PFDN1: variants seen among roughly 807,000 people sequenced by gnomAD.
PFDN1 encodes the protein prefoldin 1.
PFDN1 carries 6 observed loss-of-function variants against 17.3 expected under a neutral mutation model. The observed-to-expected ratio is 0.35, with a 90% CI of 0.19 to 0.69. The LOEUF is 0.69. PFDN1 is among the 30% of genes least tolerant of loss of function. The pLI, the probability that PFDN1 is intolerant of heterozygous loss-of-function variation, is 0.65. For synonymous variants in PFDN1, 58 were observed against 50.1 expected (o/e 1.16, Z -0.67); for missense variants, 113 against 146.2 (o/e 0.77, Z 1.17).
At chr5:140,288,690 A>T (rs537490465) in intron 2 of PFDN1, among the ~76,000 whole-genome samples, 1 of 152,302 alleles carries the variant, frequency 6.6e-6, no homozygotes, top group African/African-American at 2.4e-5. Context: ...TACTATAAAA[A>T]AATAAAGTTG....
intron 2 of PFDN1, among the ~76,000 whole-genome samples, chr5:140,293,618 C>T (rs1399133786): frequency 1.3e-5 from 2 of 151,966 alleles, no homozygotes; most frequent in Non-Finnish European, 2.9e-5. Flanking sequence ...TTAAAAAGTA[C>T]TCGTCTGCAG....
intron 3 of PFDN1, among the ~76,000 whole-genome samples, chr5:140,253,360 G>T (rs1321217981): frequency 6.6e-6 from 1 of 151,990 alleles, no homozygotes; most frequent in African/African-American, 2.4e-5. Flanking sequence ...CCCCAATTCA[G>T]TCTGCCAAGA....
intron 3 of PFDN1, chr5:140,273,889 C>G (rs1467335504): frequency 1.0e-6 from 1 of 984,458 alleles, no homozygotes; most frequent in Non-Finnish European, 1.2e-6. Context: ...ATATAACAGA[C>G]TTTAGGTTGA....
chr5:140,249,392 C>T (rs76033702), intron 3 of PFDN1, among the ~76,000 whole-genome samples: 1,924 of 152,258 alleles, frequency 0.013, 57 homozygotes, highest in African/African-American at 0.044. Context: ...TGCCCCCAGA[C>T]ACCAATTCTA....
At chr5:140,260,502 T>C (rs1223387705) in intron 3 of PFDN1, among the ~76,000 whole-genome samples, 6 of 151,720 alleles carry the variant, frequency 4.0e-5, no homozygotes, top group Non-Finnish European at 7.4e-5. Context: ...TGGAATATTA[T>C]TCAGACATAA....
At chr5:140,262,615 T>C (rs966396878) in intron 3 of PFDN1, 8 of 454,298 alleles carry the variant, frequency 1.8e-5, no homozygotes, top group Admixed American at 1.4e-4. Context: ...AACAAGTTGT[T>C]GAAAGATATA....
intron 3 of PFDN1, among the ~76,000 whole-genome samples, chr5:140,265,107 G>A (rs1765117496): frequency 6.6e-6 from 1 of 152,016 alleles, no homozygotes; most frequent in African/African-American, 2.4e-5. Flanking sequence ...CTGTGTTCGG[G>A]CATCCCCTCC....
intron 3 of PFDN1, among the ~76,000 whole-genome samples, chr5:140,272,363 A>ATT (rs34993514): frequency 0.38 from 52,570 of 136,708 alleles, 10,504 homozygotes; most frequent in South Asian, 0.57. Flanking sequence ...TGGTAAAACC[A>ATT]TTTTTTTTTT....
intron 3 of PFDN1, among the ~76,000 whole-genome samples, chr5:140,265,286 G>A (rs1000323924): frequency 5.3e-5 from 8 of 152,106 alleles, no homozygotes; most frequent in Non-Finnish European, 1.5e-5. Flanking sequence ...GGTTGCCCAT[G>A]TGGGTATTCA....
intron 3 of PFDN1, among the ~76,000 whole-genome samples, chr5:140,279,003 C>T (rs886385761): frequency 8.0e-6 from 1 of 124,976 alleles, no homozygotes; most frequent in Admixed American, 8.3e-5. Context: ...TGGTAAGGAG[C>T]CCATGATGAT....
intron 2 of PFDN1, among the ~76,000 whole-genome samples, chr5:140,297,536 C>T (rs946506332): frequency 2.0e-5 from 3 of 152,160 alleles, no homozygotes; most frequent in Admixed American, 6.5e-5. Flanking sequence ...GCAGACAGCA[C>T]TAAAGTCAAA....
intron 3 of PFDN1, among the ~76,000 whole-genome samples, chr5:140,248,089 G>C (rs752538376): frequency 3.9e-4 from 53 of 135,560 alleles, no homozygotes; most frequent in Admixed American, 5.9e-4. Context: ...TTTTTTTTGA[G>C]ACGGAATCTC....
chr5:140,298,077 T>C (rs758323632), intron 2 of PFDN1, among the ~76,000 whole-genome samples: 33 of 152,224 alleles, frequency 2.2e-4, no homozygotes, highest in Non-Finnish European at 1.5e-4. Context: ...GTTCCAATTC[T>C]TTTGTGTCCC....
intron 3 of PFDN1, among the ~76,000 whole-genome samples, chr5:140,280,327 A>T (rs966059947): frequency 1.3e-5 from 2 of 152,182 alleles, no homozygotes; most frequent in Admixed American, 6.5e-5. Flanking sequence ...TTATGAGTGA[A>T]AACACAGATA....
At chr5:140,274,105 C>CATTA (rs1765253565) in intron 3 of PFDN1, among the ~76,000 whole-genome samples, 1 of 152,272 alleles carries the variant, frequency 6.6e-6, no homozygotes, top group Admixed American at 6.5e-5. Context: ...AAAAGAGGCC[C>CATTA]ATTAATTATT....
chr5:140,260,244 A>G (rs924192059), intron 3 of PFDN1, among the ~76,000 whole-genome samples: 11 of 152,154 alleles, frequency 7.2e-5, no homozygotes, highest in African/African-American at 2.7e-4. Context: ...GCTGGCAAAG[A>G]TGTGGAGAAA....
intron 2 of PFDN1, among the ~76,000 whole-genome samples, chr5:140,283,632 G>C (rs921321430): frequency 2.0e-5 from 3 of 152,112 alleles, no homozygotes; most frequent in African/African-American, 7.2e-5. Context: ...TGCAAAACAA[G>C]GATTAATTCC....
chr5:140,303,008 G>C lies in PFDN1; in HGVS notation c.33+33C>G, dbSNP rs775693607. 4 of 1,540,774 alleles carry C rather than the reference G, an allele frequency of 2.6e-6. No individual in the cohort carries two copies. In the South Asian group the frequency reaches 3.3e-5, roughly 13 times the overall value. On this transcript the variant is annotated intron_variant, in intron 1 of 3. Coordinates refer to ENST00000261813, the MANE Select transcript of PFDN1 (RefSeq NM_002622.5). ...CTATAGTCCCCTCAGCCTCCAAAAA[G>C]AAGACCTCCGCCTGCCAAAGACCCT...
rs3777094 is a variant in PFDN1, at chr5:140,281,500, A to G, written c.234T>C (p.Ser78=). ...CTATTTTCTGCTTCTCTAACAGCTG[A>G]CTGTGAATTGCTTCCTTGGACTGAA... is the stretch of plus-strand genomic sequence containing the variant. ...FILQSKEAIH[S]QLLEKQKIAE... is the part of the protein sequence containing the mutation. Residue 78 remains serine (S), a synonymous_variant, in exon 3 of 4, where the codon AGT becomes AGC. Coordinates refer to ENST00000261813, the MANE Select transcript of PFDN1 (RefSeq NM_002622.5). The G allele has an allele frequency of 6.4e-4, 1,024 of 1,596,356 alleles. 18 individuals are homozygous for G. The East Asian group carries it at 0.022, about 34-fold the overall frequency.
Sources: gnomAD v4.1 joint callset for allele counts (sites outside exome capture counted in the v4.1 genomes callset) on GRCh38, gnomAD v4.1.1 for gene constraint, MANE v1.5 for transcripts, NCBI Gene and HGNC (gene_info 2026-07-23, HGNC 2026-07-21) for gene names.